BAALC: variants seen among roughly 807,000 people sequenced by gnomAD.
BAALC encodes the protein BAALC binder of MAP3K1 and KLF4, also known as brain and acute leukemia cytoplasmic protein.
Under a neutral mutation model 15.5 loss-of-function variants are expected in BAALC, and 9 were observed. The observed-to-expected ratio is 0.58, with a 90% confidence interval of 0.35 to 1.02. The LOEUF (loss-of-function observed/expected upper bound fraction) is 1.02. BAALC is among the 50% of genes least tolerant of loss of function. The pLI is 0.02. For synonymous variants in BAALC, 80 were observed against 74.6 expected, an observed-to-expected ratio of 1.07 and a Z score of -0.37; for missense variants, 201 against 192.4, an observed-to-expected ratio of 1.04 and a Z score of -0.27.
At chr8:103,174,068 T>C (rs1415319902) in intron 1 of BAALC, among the ~76,000 whole-genome samples, 1 of 151,906 alleles carries the variant, frequency 6.6e-6, no homozygotes, top group African/African-American at 2.4e-5. Flanking sequence ...CGATCCAGAG[T>C]GTGAAAATTA....
chr8:103,216,936 C>T (rs1344818604), intron 2 of BAALC, among the ~76,000 whole-genome samples: 1 of 152,138 alleles, frequency 6.6e-6, no homozygotes, highest in Admixed American at 6.5e-5. Flanking sequence ...GGAAAGCATG[C>T]CCCCATGCCG....
At chr8:103,151,700 G>A (rs1284926708) in intron 1 of BAALC, among the ~76,000 whole-genome samples, 1 of 151,818 alleles carries the variant, frequency 6.6e-6, no homozygotes, top group Non-Finnish European at 1.5e-5. Context: ...TCATTAATAT[G>A]CGGTGACAGA....
rs146377838 is a variant in BAALC, at chr8:103,141,440, C to T, written c.160+383C>T. Reference sequence around the variant, plus strand: ...CGCCCCGCTTTGGCCCATCTGCCATCCCCTGGCCACCTGCGTACCCAGCCG... The same window carrying T: ...CGCCCCGCTTTGGCCCATCTGCCATTCCCTGGCCACCTGCGTACCCAGCCG... On this transcript the variant is annotated intron_variant, in intron 1 of 2. Transcript: ENST00000309982. 163 of 199,598 alleles carry T rather than the reference C, an allele frequency of 8.2e-4. 7 individuals are homozygous for T. The East Asian group carries it at 0.018, about 22-fold the overall frequency. 12.4% of individuals were successfully genotyped at this position (199,598 alleles called of 1,614,324 possible). A position where few individuals can be genotyped will look rare whatever the true frequency, so the allele number is the denominator to read the frequency against.
intron 1 of BAALC, among the ~76,000 whole-genome samples, chr8:103,194,902 T>C (rs914517545): frequency 2.6e-5 from 4 of 152,232 alleles, no homozygotes; most frequent in African/African-American, 9.6e-5. Context: ...TCTGCCCTTA[T>C]GACTTAATCG....
chr8:103,142,018 G>A (rs548781744), intron 1 of BAALC, among the ~76,000 whole-genome samples: 85 of 152,310 alleles, frequency 5.6e-4, no homozygotes, highest in African/African-American at 1.8e-3. Context: ...CATGGATGTT[G>A]TCCAAAGCAA....
intron 1 of BAALC, among the ~76,000 whole-genome samples, chr8:103,165,283 G>A (rs1185797251): frequency 3.3e-5 from 5 of 152,064 alleles, no homozygotes; most frequent in Admixed American, 6.6e-5. Flanking sequence ...GAGAGCCATT[G>A]GCATCTTGGG....
chr8:103,168,153 G>A (rs1202911527), intron 1 of BAALC, among the ~76,000 whole-genome samples: 1 of 152,128 alleles, frequency 6.6e-6, no homozygotes, highest in East Asian at 1.9e-4. Context: ...GTTCTAAAAG[G>A]CTTGCTATGA....
chr8:103,173,801 T>G (rs1295419658), intron 1 of BAALC, among the ~76,000 whole-genome samples: 1 of 152,026 alleles, frequency 6.6e-6, no homozygotes, highest in Non-Finnish European at 1.5e-5. Flanking sequence ...TTACTCAACT[T>G]AAACCTTGAC....
intron 2 of BAALC, among the ~76,000 whole-genome samples, chr8:103,217,909 T>G (rs1812595228): frequency 6.6e-6 from 1 of 152,222 alleles, no homozygotes; most frequent in Non-Finnish European, 1.5e-5. Context: ...ACATGGCTTT[T>G]GCTCTGAAGC....
intron 1 of BAALC, among the ~76,000 whole-genome samples, chr8:103,147,598 C>T (rs533020896): frequency 6.6e-6 from 1 of 152,132 alleles, no homozygotes; most frequent in Admixed American, 6.5e-5. Context: ...GAGGTCCAAC[C>T]TTCACCCTGG....
chr8:103,177,163 G>GT (rs34780451), intron 1 of BAALC, among the ~76,000 whole-genome samples: 1 of 131,054 alleles, frequency 7.6e-6, no homozygotes, highest in African/African-American at 2.7e-5. Context: ...CTGTGTGCGG[G>GT]TTTTTTGTTG....
At chr8:103,205,317 T>C (rs530265196) in intron 1 of BAALC, among the ~76,000 whole-genome samples, 14 of 152,298 alleles carry the variant, frequency 9.2e-5, no homozygotes, top group Admixed American at 3.9e-4. Context: ...CAGCAAGCTG[T>C]GGACACAGCT....
At chr8:103,198,467 A>T (rs970462643) in intron 1 of BAALC, among the ~76,000 whole-genome samples, 1 of 152,118 alleles carries the variant, frequency 6.6e-6, no homozygotes, top group African/African-American at 2.4e-5. Context: ...TCATCCCGTG[A>T]TCCTGGTCCC....
In BAALC at chr8:103,141,067, C is replaced by T. The variant is rs1255215079; in HGVS notation, c.160+10C>T. The T allele has an allele frequency of 4.7e-6, 7 of 1,475,132 alleles. No homozygotes were observed. Among genetic ancestry groups the T allele is most frequent in the Non-Finnish European group, 6.3e-6 (7 of 1,114,540 alleles). The allele number at this position is 1,475,132 out of a possible 1,614,324, so 91.4% of individuals were successfully genotyped here. Reference sequence around the variant, plus strand: ...GGCGGCCTGCACTCGGGTAAGTGGCCGGGCCCCTGCAGACCCTCGCCCGCC... The same window carrying T: ...GGCGGCCTGCACTCGGGTAAGTGGCTGGGCCCCTGCAGACCCTCGCCCGCC... On this transcript the variant is annotated intron_variant, in intron 1 of 2. Coordinates refer to ENST00000309982, the MANE Select transcript of BAALC (RefSeq NM_024812.3).
intron 1 of BAALC, among the ~76,000 whole-genome samples, chr8:103,197,681 C>T (rs1812125292): frequency 6.6e-6 from 1 of 152,068 alleles, no homozygotes; most frequent in Non-Finnish European, 1.5e-5. Context: ...TCTGGTGAGG[C>T]CTTAGAAGTT....
chr8:103,212,261 A>G (rs1316251299), intron 1 of BAALC, among the ~76,000 whole-genome samples: 4 of 152,156 alleles, frequency 2.6e-5, no homozygotes, highest in African/African-American at 7.2e-5. Flanking sequence ...CCTGGGCAAC[A>G]TAGTGAGACC....
At chr8:103,150,358 T>TGA (rs1810960676) in intron 1 of BAALC, among the ~76,000 whole-genome samples, 2 of 150,906 alleles carry the variant, frequency 1.3e-5, no homozygotes, top group South Asian at 4.2e-4. Context: ...TGTGTCTGTG[T>TGA]GTCTGTGTGT....
chr8:103,223,177 G>A (rs1812719623), intron 2 of BAALC, among the ~76,000 whole-genome samples: 1 of 152,106 alleles, frequency 6.6e-6, no homozygotes, highest in Non-Finnish European at 1.5e-5. Flanking sequence ...TAGGTGTGGT[G>A]CACGCCTGTA....
intron 1 of BAALC, among the ~76,000 whole-genome samples, chr8:103,176,817 A>G (rs201576109): frequency 6.6e-6 from 1 of 152,164 alleles, no homozygotes; most frequent in African/African-American, 2.4e-5. Context: ...TTTTGCCCCA[A>G]TGTGAATCAA....
Sources: allele counts gnomAD v4.1 joint callset (sites outside exome capture counted in the v4.1 genomes callset), GRCh38; gene constraint gnomAD v4.1.1; transcripts MANE v1.5; gene names NCBI Gene and HGNC (gene_info 2026-07-23, HGNC 2026-07-21).